The following PTGER3 variants were observed in gnomAD, a reference collection of about 807,000 sequenced individuals.
PTGER3 encodes prostaglandin E2 receptor EP3 subtype.
In PTGER3, 22 loss-of-function variants were observed where a neutral mutation model predicts 34.7. That is an observed-to-expected ratio of 0.63 (90% CI 0.45 to 0.91). PTGER3 has a LOEUF of 0.91. Among genes scored for constraint, PTGER3 ranks in the 40% least tolerant of loss-of-function variants. The pLI is 0.00. For missense variants in PTGER3, 468 were observed against 519.4 expected (o/e 0.90, Z 0.96); for synonymous variants, 241 against 230.1 (o/e 1.05, Z -0.43).
At chr1:70,937,539 C>A (rs1649337218) in intron 4 of PTGER3, among the ~76,000 whole-genome samples, 3 of 152,068 alleles carry the variant, frequency 2.0e-5, no homozygotes, top group Non-Finnish European at 4.4e-5. Context: ...CTGAGAAAAT[C>A]AAAAGGAATA....
chr1:70,958,950 G>A (rs1651638997), intron 2 of PTGER3, among the ~76,000 whole-genome samples: 2 of 152,236 alleles, frequency 1.3e-5, no homozygotes, highest in Admixed American at 6.5e-5. Flanking sequence ...TCTCCAATGT[G>A]TGTTCTTGGC....
At chr1:70,944,450 C>G (rs750720674) in intron 4 of PTGER3, among the ~76,000 whole-genome samples, 80 of 152,168 alleles carry the variant, frequency 5.3e-4, no homozygotes, top group Non-Finnish European at 1.5e-4. Flanking sequence ...GGGCAAAAGA[C>G]AGAAAAACCC....
intron 4 of PTGER3, among the ~76,000 whole-genome samples, chr1:70,892,099 C>A (rs982731725): frequency 1.3e-5 from 2 of 152,152 alleles, no homozygotes; most frequent in African/African-American, 4.8e-5. Context: ...TACTATGTAA[C>A]CTCTTGTGAA....
At chr1:71,009,439 A>T in intron 2 of PTGER3, 1 of 981,842 alleles carries the variant, frequency 1.0e-6, no homozygotes, top group Non-Finnish European at 1.2e-6. Context: ...TTAACTTGGT[A>T]AATATTGAGA....
At chr1:70,996,639 T>TTTTTA (rs774610328) in intron 2 of PTGER3, among the ~76,000 whole-genome samples, 1 of 122,752 alleles carries the variant, frequency 8.1e-6, no homozygotes, top group East Asian at 2.6e-4. Flanking sequence ...TTTTTTGTAT[T>TTTTTA]TTTATTTATT....
chr1:70,967,850 ACT>A (rs1360944806), downstream of PTGER3, among the ~76,000 whole-genome samples: 1 of 152,132 alleles, frequency 6.6e-6, no homozygotes, highest in African/African-American at 2.4e-5. Flanking sequence ...ACCCAAGTCA[ACT>A]CTGTCTGAAT....
At chr1:70,931,287 C>T (rs549028617) in intron 4 of PTGER3, among the ~76,000 whole-genome samples, 22 of 152,198 alleles carry the variant, frequency 1.4e-4, no homozygotes, top group Non-Finnish European at 2.1e-4. Flanking sequence ...CTTCTGGCTG[C>T]TGTCACAGGC....
At chr1:70,976,400 A>G (rs1392306967) in intron 2 of PTGER3, among the ~76,000 whole-genome samples, 5 of 152,146 alleles carry the variant, frequency 3.3e-5, no homozygotes, top group African/African-American at 1.2e-4. Flanking sequence ...CCACTCTGGT[A>G]GGGGACATTG....
intron 2 of PTGER3, among the ~76,000 whole-genome samples, chr1:71,004,697 C>A (rs1656785921): frequency 6.6e-6 from 1 of 152,072 alleles, no homozygotes; most frequent in Non-Finnish European, 1.5e-5. Flanking sequence ...ACCCTAATTC[C>A]TTTTATCAAA....
intron 2 of PTGER3, 35 bp downstream of exon 2, chr1:71,012,270 C>T (rs776456791): frequency 1.2e-6 from 2 of 1,614,062 alleles, no homozygotes; most frequent in South Asian, 2.2e-5. Flanking sequence ...CCCTTTCTGT[C>T]CATCATTAGA....
At chr1:70,988,457 C>G (rs1655125054) in intron 2 of PTGER3, among the ~76,000 whole-genome samples, 2 of 152,136 alleles carry the variant, frequency 1.3e-5, no homozygotes, top group African/African-American at 4.8e-5. Flanking sequence ...CAAATTCCAG[C>G]CGATTATTTG....
intron 4 of PTGER3, among the ~76,000 whole-genome samples, chr1:70,886,687 T>G (rs1256567980): frequency 6.6e-6 from 1 of 152,248 alleles, no homozygotes; most frequent in African/African-American, 2.4e-5. Context: ...ATTAGACATT[T>G]TCTGTCTCCC....
At chr1:70,889,085 T>C (rs1485221312) in intron 4 of PTGER3, among the ~76,000 whole-genome samples, 1 of 152,160 alleles carries the variant, frequency 6.6e-6, no homozygotes, top group Non-Finnish European at 1.5e-5. Flanking sequence ...ATATGCTAAC[T>C]TGCTCTTTAG....
At chr1:70,955,175 A>G (rs1020354336) in intron 2 of PTGER3, among the ~76,000 whole-genome samples, 5 of 152,156 alleles carry the variant, frequency 3.3e-5, no homozygotes, top group South Asian at 2.1e-4. Context: ...ATAACACCAC[A>G]TAAATCTATA....
At chr1:70,887,778 G>A (rs914748635) in intron 4 of PTGER3, among the ~76,000 whole-genome samples, 15 of 152,030 alleles carry the variant, frequency 9.9e-5, no homozygotes, top group African/African-American at 3.4e-4. Flanking sequence ...TGTTCTAGCT[G>A]GGTGGTTATG....
At chr1:70,875,093 A>G (rs1646246551) in intron 4 of PTGER3, among the ~76,000 whole-genome samples, 4 of 152,184 alleles carry the variant, frequency 2.6e-5, no homozygotes, top group East Asian at 1.9e-4. Context: ...CCTCATTCCA[A>G]TAATTTGGCC....
intron 2 of PTGER3, among the ~76,000 whole-genome samples, chr1:70,962,159 C>A (rs6665776): frequency 0.13 from 19,689 of 152,166 alleles, 1,969 homozygotes; most frequent in African/African-American, 0.27. Flanking sequence ...AGGATTCAAA[C>A]CCACAGCTAT....
chr1:70,886,085 A>C (rs1033888931), intron 4 of PTGER3, among the ~76,000 whole-genome samples: 3 of 152,154 alleles, frequency 2.0e-5, no homozygotes, highest in African/African-American at 7.2e-5. Flanking sequence ...TTGAAACCCT[A>C]ATCCCCAGTG....
chr1:70,852,989 G>T, intron 4 of PTGER3: 1 of 1,062,486 alleles, frequency 9.4e-7, no homozygotes, highest in Non-Finnish European at 1.4e-6. Flanking sequence ...ACTTACAGCA[G>T]TATAACAAGA....
Sources: gnomAD v4.1 joint callset for allele counts (sites outside exome capture counted in the v4.1 genomes callset) on GRCh38, gnomAD v4.1.1 for gene constraint, MANE v1.5 for transcripts, NCBI Gene and HGNC (gene_info 2026-07-23, HGNC 2026-07-21) for gene names.